The following MYO16 variants were observed in gnomAD, a reference collection of about 807,000 sequenced individuals.
The protein encoded by MYO16 is unconventional myosin-XVI.
In MYO16, 94 loss-of-function variants were observed where a neutral mutation model predicts 205.3. The ratio of observed to expected loss-of-function variants is 0.46; its 90% confidence interval spans 0.39 to 0.54. MYO16 has a LOEUF of 0.54. MYO16 is among the 20% of genes least tolerant of loss of function. The pLI is 0.00. For missense variants in MYO16, 2,315 were observed against 2,387.5 expected (o/e 0.97, Z 0.63); for synonymous variants, 988 against 954.0 (o/e 1.04, Z -0.66).
At chr13:108,651,502 A>G (rs998005717) in intron 1 of MYO16, among the ~76,000 whole-genome samples, 1 of 152,230 alleles carries the variant, frequency 6.6e-6, no homozygotes, top group South Asian at 2.1e-4. Flanking sequence ...ATGGATGTGC[A>G]AAAAGTAAAT....
At chr13:108,994,316 T>C (rs1232930366) in intron 21 of MYO16, among the ~76,000 whole-genome samples, 2 of 146,448 alleles carry the variant, frequency 1.4e-5, no homozygotes, top group Non-Finnish European at 3.0e-5. Context: ...AAATTTGAAA[T>C]ACACACACAC....
At chr13:108,900,476 A>G (rs1880655013) in intron 15 of MYO16, among the ~76,000 whole-genome samples, 1 of 152,206 alleles carries the variant, frequency 6.6e-6, no homozygotes, top group South Asian at 2.1e-4. Flanking sequence ...GAAGAACATA[A>G]ATTGTGAAGA....
intron 10 of MYO16, among the ~76,000 whole-genome samples, chr13:108,853,809 A>G (rs892449658): frequency 6.6e-6 from 1 of 151,976 alleles, no homozygotes; most frequent in Non-Finnish European, 1.5e-5. Flanking sequence ...GCATTCATCT[A>G]TTGGAATATT....
chr13:108,866,050 A>C, intron 11 of MYO16, 127 bp from the exon 12 acceptor site: 1 of 559,386 alleles, frequency 1.8e-6, no homozygotes, highest in Non-Finnish European at 2.8e-6. Context: ...AAAAAATAGC[A>C]AAATACTAAA....
chr13:108,878,410 C>A (rs546599178), intron 12 of MYO16, among the ~76,000 whole-genome samples: 1 of 152,232 alleles, frequency 6.6e-6, no homozygotes, highest in East Asian at 1.9e-4. Context: ...ACTGGATGGC[C>A]AAACTCCAGG....
chr13:109,110,016 A>T lies in MYO16; in HGVS notation c.3438+9129A>T, dbSNP rs936740512. 2.0e-5 allele frequency among the ~76,000 whole-genome samples: 3 copies of T among 152,368 alleles called. No homozygotes were observed. The South Asian group carries it at 6.2e-4, about 32-fold the overall frequency. On this transcript the variant is annotated intron_variant, in intron 28 of 34. Coordinates refer to ENST00000457511, the MANE Select transcript of MYO16 (RefSeq NM_001198950.3). ...AAATGCCATCAACTTGGCAGATGACAATAGGACAAGGGCTCCCACACCCCA... is the reference window on the plus strand; with the variant it reads ...AAATGCCATCAACTTGGCAGATGACTATAGGACAAGGGCTCCCACACCCCA...
At chr13:109,010,020 G>A (rs1885539363) in intron 22 of MYO16, among the ~76,000 whole-genome samples, 1 of 152,076 alleles carries the variant, frequency 6.6e-6, no homozygotes, top group Non-Finnish European at 1.5e-5. Context: ...GCTAACCAGG[G>A]GTCATCAGAA....
intron 2 of MYO16, among the ~76,000 whole-genome samples, chr13:108,708,658 G>A (rs184367866): frequency 3.3e-5 from 5 of 152,320 alleles, no homozygotes; most frequent in Admixed American, 1.3e-4. Flanking sequence ...CTCTGTTGAT[G>A]TTAAATGTAA....
intron 33 of MYO16, among the ~76,000 whole-genome samples, chr13:109,171,690 A>C (rs1878928334): frequency 6.6e-6 from 1 of 152,196 alleles, no homozygotes; most frequent in South Asian, 2.1e-4. Flanking sequence ...TTATCAAACA[A>C]AATATTGTGA....
upstream of MYO16, among the ~76,000 whole-genome samples, chr13:108,626,626 A>C (rs988016613): frequency 6.6e-6 from 1 of 151,968 alleles, no homozygotes; most frequent in African/African-American, 2.4e-5. Context: ...TAACATGGTG[A>C]AATCTCATGT....
chr13:108,902,026 T>C (rs1202499641), intron 15 of MYO16, among the ~76,000 whole-genome samples: 1 of 152,126 alleles, frequency 6.6e-6, no homozygotes, highest in Non-Finnish European at 1.5e-5. Flanking sequence ...TTGACAAAAC[T>C]AAAAATATTT....
At chr13:108,855,379 C>A in intron 10 of MYO16, 64 bp from the exon 11 acceptor site, 1 of 938,860 alleles carries the variant, frequency 1.1e-6, no homozygotes. Context: ...AGTGGAACAT[C>A]CAACTGTGAA....
intron 4 of MYO16, among the ~76,000 whole-genome samples, chr13:108,752,808 A>ATCTT (rs751233713): frequency 0.38 from 34,835 of 90,590 alleles, 10,260 homozygotes; most frequent in East Asian, 0.71. Flanking sequence ...TGCCCAGCTA[A>ATCTT]TTTTTTTTTT....
At chr13:109,048,514 T>C in intron 24 of MYO16, 2 of 458,576 alleles carry the variant, frequency 4.4e-6, no homozygotes, top group East Asian at 6.2e-5. Context: ...GAAAAACAGC[T>C]GTAGACAATA....
At chr13:109,197,501 ACT>A (rs1209306494) in intron 34 of MYO16, among the ~76,000 whole-genome samples, 1 of 151,606 alleles carries the variant, frequency 6.6e-6, no homozygotes, top group East Asian at 1.9e-4. Context: ...CTCCCTTTAA[ACT>A]CTCTAAGCAA....
chr13:109,194,821 G>A (rs1184333611), intron 34 of MYO16, among the ~76,000 whole-genome samples: 1 of 152,012 alleles, frequency 6.6e-6, no homozygotes, highest in Non-Finnish European at 1.5e-5. Flanking sequence ...TATATAGACA[G>A]ATTTTTTTCT....
intron 8 of MYO16, among the ~76,000 whole-genome samples, chr13:108,821,785 A>G (rs1021413644): frequency 2.6e-5 from 4 of 152,152 alleles, no homozygotes; most frequent in Non-Finnish European, 4.4e-5. Flanking sequence ...TGGTCATCTC[A>G]GCACAGTGCA....
chr13:108,857,850 TTCTC>T (rs1878262086), intron 11 of MYO16, among the ~76,000 whole-genome samples: 1 of 152,190 alleles, frequency 6.6e-6, no homozygotes, highest in African/African-American at 2.4e-5. Context: ...TCTAGTCAGT[TTCTC>T]TCTCTTTCTT....
At chr13:108,702,106 G>A (rs1883332735) in intron 2 of MYO16, among the ~76,000 whole-genome samples, 1 of 152,140 alleles carries the variant, frequency 6.6e-6, no homozygotes, top group Non-Finnish European at 1.5e-5. Context: ...AGTCACAGAT[G>A]AGAGGAGAAA....
Sources: allele counts gnomAD v4.1 joint callset (sites outside exome capture counted in the v4.1 genomes callset), GRCh38; gene constraint gnomAD v4.1.1; transcripts MANE v1.5; gene names NCBI Gene and HGNC (gene_info 2026-07-23, HGNC 2026-07-21).